The following GNL3 variants were observed in gnomAD, a reference collection of about 807,000 sequenced individuals.
GNL3 encodes the protein G protein nucleolar 3.
GNL3 carries 77 observed loss-of-function variants against 70.6 expected under a neutral mutation model. The ratio of observed to expected loss-of-function variants is 1.09; its 90% CI spans 0.91 to 1.32. The LOEUF (loss-of-function observed/expected upper bound fraction) is 1.32. Among genes scored for constraint, GNL3 ranks in the 40% most tolerant of loss-of-function variants. The pLI, the probability that GNL3 is intolerant of heterozygous loss-of-function variation, is 0.00. For missense variants in GNL3, 634 were observed against 644.0 expected, an observed-to-expected ratio of 0.98 and a Z score of 0.17; for synonymous variants, 252 against 216.1, an observed-to-expected ratio of 1.17 and a Z score of -1.46.
At chr3:52,687,688 A>G in intron 4 of GNL3, 73 bp downstream of exon 4, 1 of 856,270 alleles carries the variant, frequency 1.2e-6, no homozygotes, top group African/African-American at 1.7e-5. Context: ...GCCTGAGTGC[A>G]GTGGCACAAT....
chr3:52,692,607 G>A (rs564202430), intron 9 of GNL3: 32 of 485,248 alleles, frequency 6.6e-5, no homozygotes, highest in African/African-American at 3.1e-4. Context: ...GTGAGCCACC[G>A]CGCCCAGCCA....
At chr3:52,691,433 A>G (rs2097327153) in intron 8 of GNL3, 109 bp from the exon 9 acceptor site, 1 of 720,938 alleles carries the variant, frequency 1.4e-6, no homozygotes. Flanking sequence ...ACTGAGATCC[A>G]ACTCTGATCT....
intron 7 of GNL3, 73 bp from the exon 8 acceptor site, chr3:52,690,872 A>G: frequency 6.8e-7 from 1 of 1,474,256 alleles, no homozygotes; most frequent in Non-Finnish European, 9.5e-7. Context: ...TGGGCTCTGG[A>G]GCCTGATTGC....
intron 10 of GNL3, 70 bp downstream of exon 10, chr3:52,693,116 A>G (rs923129285): frequency 8.2e-5 from 131 of 1,599,130 alleles, no homozygotes; most frequent in Admixed American, 7.7e-4. Flanking sequence ...GAGTAGAAAA[A>G]TCTTGGAAGT....
At chr3:52,692,673 T>C in intron 9 of GNL3, 199 bp from the exon 10 acceptor site, 1 of 733,202 alleles carries the variant, frequency 1.4e-6, no homozygotes, top group East Asian at 2.6e-5. Flanking sequence ...GATGTAAATA[T>C]ATAAGCTATA....
upstream of GNL3, chr3:52,685,958 T>A (rs1561233298): frequency 1.4e-6 from 1 of 739,210 alleles, no homozygotes; most frequent in Admixed American, 1.9e-5. Flanking sequence ...CGACACTGCG[T>A]GCCCGCGCAC....
rs373830885 is a variant in GNL3, at chr3:52,694,099, A to G, written c.1563A>G (p.Thr521=). ...GGGAGGCACTGTCTGAGGAGACTAC[A>G]GCAGGTGAGGCAGGCAAAAGGGGTT... The part of the protein sequence containing the change: ...ETGEALSEET[T]AGEQSTRSFI... Residue 521 remains threonine (T), a synonymous_variant, in exon 14 of 15, where the codon ACA becomes ACG. Coordinates refer to ENST00000418458, the MANE Select transcript of GNL3 (RefSeq NM_014366.5). 6.2e-7 allele frequency: 1 copy of G among 1,612,386 alleles called. No homozygotes were observed. Among genetic ancestry groups the G allele is most frequent in the Non-Finnish European group, 8.5e-7 (1 of 1,178,372 alleles).
At chr3:52,691,741 T>G in intron 9 of GNL3, 112 bp downstream of exon 9, 3 of 659,532 alleles carry the variant, frequency 4.5e-6, no homozygotes, top group Non-Finnish European at 5.4e-6. Flanking sequence ...TTCACTCTTG[T>G]TCCCAGGCTG....
In GNL3 at chr3:52,689,201, A is replaced by C; in HGVS notation, c.536A>C (p.Lys179Thr). The part of the protein sequence containing the change: ...GQKKLVLILN[K>T]SDLVPKENLE... ...AAAAAGCTGGTACTTATATTAAATA[A>C]ATCAGGTGAGTAAAGAGGGTACCCT... is the stretch of plus-strand genomic sequence containing the variant. Residue 179 changes from lysine (K) to threonine (T), a missense_variant, in exon 6 of 15, where the codon AAA becomes ACA. Transcript: ENST00000418458. 6.2e-7 allele frequency: 1 copy of C among 1,613,332 alleles called. No homozygotes were observed. Among genetic ancestry groups the C allele is most frequent in the Non-Finnish European group, 8.5e-7 (1 of 1,179,304 alleles).
rs561922740 is a variant in GNL3 at position 52,690,113 on chromosome 3, C to A, written c.542-479C>A. On this transcript the variant is annotated intron_variant, in intron 6 of 14. Transcript: ENST00000418458. ...GCAGATGCTGAGCTCTGTTAAGATACGGGCAGTATGGTAGGGGAGCTTACC... is the reference window on the plus strand; with the variant it reads ...GCAGATGCTGAGCTCTGTTAAGATAAGGGCAGTATGGTAGGGGAGCTTACC... Among the ~76,000 whole-genome samples, 6 of 152,276 alleles carry A rather than the reference C, an allele frequency of 3.9e-5. No homozygotes were observed. In the South Asian group the frequency reaches 1.2e-3, roughly 32 times the overall value.
Position 52,690,699 on chromosome 3 carries a change from A to G in GNL3, c.649A>G (p.Thr217Ala), listed in dbSNP as rs776820814. ...AAAACCAAAGGATAAAGGGAAGATA[A>G]CCAAGGTATCCTTTATTAGTGGTAA... is the stretch of plus-strand genomic sequence containing the variant. ...STKPKDKGKI[T>A]KRVKAKKNAA... Residue 217 changes from threonine to alanine, a missense_variant, in exon 7 of 15, where the codon ACC becomes GCC. Transcript: ENST00000418458. 1.3e-6 allele frequency: 2 copies of G among 1,533,778 alleles called. No homozygotes were observed. The highest frequency in any genetic ancestry group is 1.4e-5 in the African/African-American group (1 of 73,206).
chr3:52,693,033 C>T lies in GNL3; in HGVS notation c.1031C>T (p.Ala344Val). ...MEAASAILSQ[A>V]DARQVVLKYT... ...GCTGCCAGTGCCATCCTTTCCCAGG[C>T]TGATGCTCGACAGGTAAAAGGACCC... Residue 344 changes from alanine (A) to valine (V), a missense_variant, in exon 10 of 15, where the codon GCT becomes GTT. By Grantham distance (64) the Ala-to-Val change is moderately conservative. Coordinates refer to ENST00000418458, the MANE Select transcript of GNL3 (RefSeq NM_014366.5). The T allele has an allele frequency of 1.2e-6, 2 of 1,614,160 alleles. No individual in the cohort carries two copies. The highest frequency in any genetic ancestry group is 3.3e-5 in the Admixed American group (2 of 60,030).
chr3:52,690,059 C>T (rs924958608), intron 6 of GNL3, among the ~76,000 whole-genome samples: 21 of 152,246 alleles, frequency 1.4e-4, no homozygotes, highest in East Asian at 1.2e-3. Flanking sequence ...TTCAAGTGAG[C>T]AATACAAGGG....
intron 8 of GNL3, 159 bp from the exon 9 acceptor site, chr3:52,691,383 A>G: frequency 1.6e-6 from 1 of 645,034 alleles, no homozygotes; most frequent in Non-Finnish European, 2.8e-6. Flanking sequence ...TGTGCAAGAA[A>G]TGAAGAAACT....
At chr3:52,687,789 G>A (rs555422026) in intron 4 of GNL3, 174 bp downstream of exon 4, 30 of 603,794 alleles carry the variant, frequency 5.0e-5, no homozygotes, top group Middle Eastern at 4.5e-4. Flanking sequence ...ACACCATCAC[G>A]CCTGGCTAAT....
At chr3:52,687,460 C>T in intron 3 of GNL3, 42 bp from the exon 4 acceptor site, 1 of 1,584,818 alleles carries the variant, frequency 6.3e-7, no homozygotes, top group African/African-American at 1.3e-5. Context: ...AAGGTAACAA[C>T]ACTAGTCACT....
chr3:52,690,969 G>C lies in GNL3; in HGVS notation c.679G>C (p.Ala227Pro). 6.2e-7 allele frequency: 1 copy of C among 1,613,854 alleles called. No homozygotes were observed. Among genetic ancestry groups the C allele is most frequent in the Non-Finnish European group, 8.5e-7 (1 of 1,179,706 alleles). The change falls in exon 8 of 15, where the codon GCT becomes CCT. Residue 227 changes from alanine to proline, a missense_variant. Physicochemically the swap from Ala to Pro is conservative, Grantham distance 27. Transcript: ENST00000418458. ...TKRVKAKKNA[A>P]PFRSEVCFGK... ...GCGTGTGAAGGCAAAGAAGAATGCTGCTCCATTCAGAAGTGAAGTCTGCTT... is the reference window on the plus strand; with the variant it reads ...GCGTGTGAAGGCAAAGAAGAATGCTCCTCCATTCAGAAGTGAAGTCTGCTT...
At chr3:52,689,399 T>C (rs1389453608) in intron 6 of GNL3, 193 bp downstream of exon 6, 5 of 699,880 alleles carry the variant, frequency 7.1e-6, no homozygotes, top group Admixed American at 3.9e-5. Context: ...GTTTCTACTA[T>C]TCTTTTGCCA....
intron 1 of GNL3, 34 bp downstream of exon 1, chr3:52,686,139 C>T (rs374236086): frequency 6.3e-7 from 1 of 1,592,106 alleles, no homozygotes; most frequent in African/African-American, 1.4e-5. Context: ...GTGGAGGGAC[C>T]CACGTCTGGA....
Sources: gnomAD v4.1 joint callset for allele counts (sites outside exome capture counted in the v4.1 genomes callset) on GRCh38, gnomAD v4.1.1 for gene constraint, MANE v1.5 for transcripts, NCBI Gene and HGNC (gene_info 2026-07-23, HGNC 2026-07-21) for gene names.